The following VPS13B variants were observed in gnomAD, a reference collection of about 807,000 sequenced individuals.
VPS13B encodes vacuolar protein sorting 13 homolog B.
VPS13B carries 285 observed loss-of-function variants against 426.4 expected under a neutral mutation model. That is an observed-to-expected ratio of 0.67 (90% CI 0.61 to 0.74). The LOEUF (loss-of-function observed/expected upper bound fraction) is 0.74. Ranked by LOEUF, VPS13B falls within the 30% of genes least tolerant of loss-of-function variation. The probability of loss-of-function intolerance (pLI) is 0.00; values close to 1 mark genes in which losing one functional copy is unlikely to be tolerated. For missense variants in VPS13B, 4,537 were observed against 4,782.6 expected, an observed-to-expected ratio of 0.95 and a Z score of 1.51; for synonymous variants, 1,676 against 1,676.4, an observed-to-expected ratio of 1.00 and a Z score of 0.01.
At chr8:99,139,208 G>A (rs1481314057) in intron 12 of VPS13B, among the ~76,000 whole-genome samples, 1 of 152,050 alleles carries the variant, frequency 6.6e-6, no homozygotes, top group Non-Finnish European at 1.5e-5. Context: ...CCTCCTATGT[G>A]TTTCTTTTCT....
intron 33 of VPS13B, among the ~76,000 whole-genome samples, chr8:99,579,569 T>C (rs1457015874): frequency 2.6e-5 from 4 of 151,902 alleles, no homozygotes; most frequent in Admixed American, 2.6e-4. Flanking sequence ...AGCTAATTTT[T>C]TTGTATTTTT....
In VPS13B at chr8:99,599,105, T is replaced by C. The variant is rs184981302; in HGVS notation, c.5220+21472T>C. ...AACTACATAAAACACTATATTCAAC[T>C]CTCTATGAAGCATGATAAATTTACA... On this transcript the variant is annotated intron_variant, in intron 33 of 61. Coordinates refer to ENST00000357162, the MANE Select transcript of VPS13B (RefSeq NM_152564.5). Among the ~76,000 whole-genome samples, 201 of 152,090 alleles carry C rather than the reference T, an allele frequency of 1.3e-3. 1 individual carries two copies. Among genetic ancestry groups the C allele is most frequent in the African/African-American group, 4.6e-3 (193 of 41,510 alleles).
chr8:99,288,582 G>A, intron 19 of VPS13B, among the ~76,000 whole-genome samples: 1 of 151,456 alleles, frequency 6.6e-6, no homozygotes, highest in East Asian at 1.9e-4. Flanking sequence ...AAGTGGGAGG[G>A]GTCTCAATAT....
At chr8:99,428,969 T>C (rs1045774453) in intron 21 of VPS13B, among the ~76,000 whole-genome samples, 3 of 152,180 alleles carry the variant, frequency 2.0e-5, no homozygotes, top group African/African-American at 4.8e-5. Flanking sequence ...GATGAGTTCA[T>C]GTCCTTTGTA....
At chr8:99,055,044 G>GTTTTTTTTTTTTTTTTTTTTTGTT (rs397779213) in intron 3 of VPS13B, among the ~76,000 whole-genome samples, 2 of 141,882 alleles carry the variant, frequency 1.4e-5, no homozygotes, top group African/African-American at 2.6e-5. Context: ...TTTTTTTTTT[G>GTTTTTTTTTTTTTTTTTTTTTGTT]TTTTTTTTTT....
At chr8:99,776,997 C>G in intron 41 of VPS13B, 41 bp downstream of exon 41, 1 of 1,578,018 alleles carries the variant, frequency 6.3e-7, no homozygotes, top group Non-Finnish European at 8.7e-7. Flanking sequence ...CCATTTAATA[C>G]TTACCATTTT....
chr8:99,660,124 A>T (rs1045136036), intron 34 of VPS13B, among the ~76,000 whole-genome samples: 35 of 152,208 alleles, frequency 2.3e-4, no homozygotes, highest in African/African-American at 7.5e-4. Flanking sequence ...AAAAGAGAAG[A>T]CTGCACTAGC....
chr8:99,111,017 T>C (rs1442719354), intron 5 of VPS13B, 81 bp from the exon 6 acceptor site: 1 of 1,049,392 alleles, frequency 9.5e-7, no homozygotes, highest in Non-Finnish European at 1.3e-6. Flanking sequence ...TTAATTTTAT[T>C]ACTATTTATA....
chr8:99,541,974 C>G (rs577476890), intron 30 of VPS13B, among the ~76,000 whole-genome samples: 2 of 152,266 alleles, frequency 1.3e-5, no homozygotes, highest in East Asian at 3.9e-4. Flanking sequence ...TAAGTTTCTA[C>G]AGGGAAAAGT....
chr8:99,555,433 T>C (rs376967540), intron 30 of VPS13B, among the ~76,000 whole-genome samples: 10 of 152,186 alleles, frequency 6.6e-5, no homozygotes, highest in African/African-American at 2.4e-4. Context: ...TGTATTTTTT[T>C]CTAATGTCTG....
At chr8:99,744,558 T>C (rs1246178584) in intron 39 of VPS13B, among the ~76,000 whole-genome samples, 1 of 152,096 alleles carries the variant, frequency 6.6e-6, no homozygotes, top group Non-Finnish European at 1.5e-5. Flanking sequence ...TAGCAAAGAC[T>C]TGGAACCAAC....
chr8:99,294,506 A>G (rs1435063789), intron 19 of VPS13B, among the ~76,000 whole-genome samples: 2 of 150,980 alleles, frequency 1.3e-5, no homozygotes, highest in East Asian at 3.9e-4. Flanking sequence ...TAACCTGCAC[A>G]ATGTGCACAT....
intron 30 of VPS13B, among the ~76,000 whole-genome samples, chr8:99,537,646 AC>A (rs1013789510): frequency 3.3e-5 from 5 of 152,220 alleles, no homozygotes; most frequent in Non-Finnish European, 7.3e-5. Flanking sequence ...ACAAGGGACT[AC>A]TTTTAAATGT....
chr8:99,073,156 G>A (rs1006489731), intron 3 of VPS13B, among the ~76,000 whole-genome samples: 5 of 152,044 alleles, frequency 3.3e-5, no homozygotes, highest in African/African-American at 1.2e-4. Flanking sequence ...GAATGCTCTG[G>A]GTCACACCTG....
chr8:99,716,529 A>G (rs1832929816), intron 36 of VPS13B, among the ~76,000 whole-genome samples: 1 of 152,196 alleles, frequency 6.6e-6, no homozygotes, highest in Non-Finnish European at 1.5e-5. Context: ...TTTAAGTTCA[A>G]AAGAAAGCCT....
intron 35 of VPS13B, among the ~76,000 whole-genome samples, chr8:99,665,799 C>T (rs1196408192): frequency 2.0e-5 from 3 of 152,198 alleles, no homozygotes; most frequent in South Asian, 2.1e-4. Context: ...CTTGGCGATG[C>T]GGGCTCTTTT....
intron 35 of VPS13B, chr8:99,697,951 G>A (rs781005751): frequency 7.3e-6 from 3 of 413,788 alleles, no homozygotes; most frequent in East Asian, 5.9e-5. Flanking sequence ...AGATTGTAGC[G>A]ACCTTGGAGA....
intron 19 of VPS13B, among the ~76,000 whole-genome samples, chr8:99,376,836 A>G (rs964174794): frequency 2.0e-5 from 3 of 152,042 alleles, no homozygotes; most frequent in South Asian, 2.1e-4. Flanking sequence ...TAAAAAATAT[A>G]TAGTATATAA....
chr8:99,751,605 T>C (rs1439829594), intron 39 of VPS13B, among the ~76,000 whole-genome samples: 1 of 152,180 alleles, frequency 6.6e-6, no homozygotes, highest in Non-Finnish European at 1.5e-5. Flanking sequence ...ATTTAATGAA[T>C]ATTTGATAAA....
Sources: gnomAD v4.1 joint callset for allele counts (sites outside exome capture counted in the v4.1 genomes callset) on GRCh38, gnomAD v4.1.1 for gene constraint, MANE v1.5 for transcripts, NCBI Gene and HGNC (gene_info 2026-07-23, HGNC 2026-07-21) for gene names.